CCDC134: variants seen among roughly 807,000 people sequenced by gnomAD.
CCDC134 encodes coiled-coil domain containing 134, also known as coiled-coil domain-containing protein 134.
Under a neutral mutation model 25.6 loss-of-function variants are expected in CCDC134, and 27 were observed. That is an observed-to-expected ratio of 1.05 (90% confidence interval 0.78 to 1.45). CCDC134 has a LOEUF of 1.45. Among genes scored for constraint, CCDC134 ranks in the 40% most tolerant of loss-of-function variants. The pLI is 0.00. For missense variants in CCDC134, 261 were observed against 286.7 expected, an observed-to-expected ratio of 0.91 and a Z score of 0.65; for synonymous variants, 110 against 115.0, an observed-to-expected ratio of 0.96 and a Z score of 0.28.
intron 6 of CCDC134, 146 bp downstream of exon 6, chr22:41,813,968 T>G: frequency 1.5e-6 from 1 of 661,018 alleles, no homozygotes; most frequent in Non-Finnish European, 2.6e-6. Flanking sequence ...CACTGACTCA[T>G]TGGAGCCTGT....
At chr22:41,820,914 G>C (rs2076648825) in intron 6 of CCDC134, among the ~76,000 whole-genome samples, 1 of 152,138 alleles carries the variant, frequency 6.6e-6, no homozygotes, top group South Asian at 2.1e-4. Flanking sequence ...CGTGAGACAG[G>C]ACACAGTCAT....
intron 6 of CCDC134, among the ~76,000 whole-genome samples, chr22:41,815,204 CT>C (rs869174312): frequency 1.1e-3 from 138 of 122,112 alleles, no homozygotes; most frequent in African/African-American, 1.3e-3. Flanking sequence ...CTTTTCTTTT[CT>C]TTTTTTTTTT....
At chr22:41,801,729 T>A (rs1602231352) in intron 1 of CCDC134, among the ~76,000 whole-genome samples, 2 of 152,312 alleles carry the variant, frequency 1.3e-5, no homozygotes, top group Admixed American at 1.3e-4. Context: ...TATTTATTGC[T>A]GTATTCCCGC....
chr22:41,821,297 T>A (rs1490810521), intron 6 of CCDC134, among the ~76,000 whole-genome samples: 1 of 152,002 alleles, frequency 6.6e-6, no homozygotes, highest in Admixed American at 6.6e-5. Flanking sequence ...AGACAGCCCT[T>A]TCGAAAAGTT....
chr22:41,804,865 T>C (rs1261622436), intron 1 of CCDC134, among the ~76,000 whole-genome samples: 1 of 151,744 alleles, frequency 6.6e-6, no homozygotes, highest in Non-Finnish European at 1.5e-5. Context: ...AGGCCAGGAG[T>C]TCGAGACCAG....
intron 1 of CCDC134, among the ~76,000 whole-genome samples, chr22:41,805,456 C>A (rs2076563573): frequency 6.6e-6 from 1 of 152,082 alleles, no homozygotes; most frequent in Non-Finnish European, 1.5e-5. Context: ...GAATACTTTT[C>A]TTGAATAGTT....
Position 41,803,275 on chromosome 22 carries a change from A to T in CCDC134, c.-17+2509A>T, listed in dbSNP as rs117340583. 7.6e-3 allele frequency among the ~76,000 whole-genome samples: 1,153 copies of T among 152,270 alleles called. 4 individuals are homozygous for T. The highest frequency in any genetic ancestry group is 0.013 in the Non-Finnish European group (876 of 68,012). ...GAGACCCTGCCTCAAAAAACCCCAA[A>T]TACCTTTTAGCCACATTTGAGCAGC... On this transcript the variant is annotated intron_variant, in intron 1 of 6. Transcript: ENST00000255784.
chr22:41,817,869 G>GTGATACCTTTT (rs2076630294), intron 6 of CCDC134, among the ~76,000 whole-genome samples: 2 of 152,174 alleles, frequency 1.3e-5, no homozygotes, highest in African/African-American at 4.8e-5. Flanking sequence ...TGGCTGTTAG[G>GTGATACCTTTT]AAGGAGTGTC....
chr22:41,807,134 A>G (rs1368587408), intron 1 of CCDC134, among the ~76,000 whole-genome samples: 2 of 152,240 alleles, frequency 1.3e-5, no homozygotes, highest in African/African-American at 2.4e-5. Flanking sequence ...TCCTGGTTAA[A>G]TGGAACAATT....
At chr22:41,801,172 GTAT>G (rs1395409736) in intron 1 of CCDC134, among the ~76,000 whole-genome samples, 1 of 152,206 alleles carries the variant, frequency 6.6e-6, no homozygotes, top group Non-Finnish European at 1.5e-5. Flanking sequence ...CAGCTGTCTG[GTAT>G]TCTCCTTGGC....
chr22:41,818,058 C>T (rs969441993), intron 6 of CCDC134, among the ~76,000 whole-genome samples: 13 of 152,138 alleles, frequency 8.5e-5, no homozygotes, highest in Non-Finnish European at 1.5e-4. Context: ...CAGGACTCAG[C>T]ATATGGTCAT....
intron 2 of CCDC134, among the ~76,000 whole-genome samples, chr22:41,809,292 A>T (rs191030012): frequency 6.6e-6 from 1 of 152,300 alleles, no homozygotes; most frequent in African/African-American, 2.4e-5. Flanking sequence ...TTACTGGCCC[A>T]TCTGGACCCT....
chr22:41,810,383 C>T lies in CCDC134; in HGVS notation c.310+92C>T. On this transcript the variant is annotated intron_variant, in intron 4 of 6. Transcript: ENST00000255784. Reference sequence around the variant, plus strand: ...CTGTTCTTGTCACTCTTTTTTTCTCCCCGGAAGTGCCCTCTTGTGGCACCT... The same window carrying T: ...CTGTTCTTGTCACTCTTTTTTTCTCTCCGGAAGTGCCCTCTTGTGGCACCT... The T allele has an allele frequency of 2.5e-6, 3 of 1,210,006 alleles. No homozygotes were observed. The South Asian group carries it at 4.1e-5, about 17-fold the overall frequency. The allele number at this position is 1,210,006 out of a possible 1,614,324, so 75.0% of individuals were successfully genotyped here.
intron 6 of CCDC134, among the ~76,000 whole-genome samples, chr22:41,822,930 G>C (rs2076659292): frequency 6.6e-6 from 1 of 152,194 alleles, no homozygotes; most frequent in African/African-American, 2.4e-5. Flanking sequence ...ATCTAACCTG[G>C]TAGGCAGATT....
At chr22:41,822,350 A>G (rs1037197430) in intron 6 of CCDC134, among the ~76,000 whole-genome samples, 10 of 152,222 alleles carry the variant, frequency 6.6e-5, no homozygotes, top group African/African-American at 2.4e-4. Context: ...AGGGAGGTAC[A>G]GTAATCAACC....
At chr22:41,804,142 G>A (rs1777138356) in intron 1 of CCDC134, among the ~76,000 whole-genome samples, 1 of 152,048 alleles carries the variant, frequency 6.6e-6, no homozygotes, top group African/African-American at 2.4e-5. Context: ...CAAAAAAAAA[G>A]AAACGAGTAA....
intron 1 of CCDC134, among the ~76,000 whole-genome samples, chr22:41,808,587 G>A (rs1602236079): frequency 1.3e-5 from 2 of 152,308 alleles, no homozygotes; most frequent in Non-Finnish European, 2.9e-5. Context: ...TCCCAGAGAC[G>A]GGCGGGGGCA....
chr22:41,804,727 T>G (rs1452371738), intron 1 of CCDC134, among the ~76,000 whole-genome samples: 1 of 152,186 alleles, frequency 6.6e-6, no homozygotes, highest in South Asian at 2.1e-4. Context: ...AAGTATGATA[T>G]TCTAGTTAAA....
At chr22:41,803,588 T>C (rs1335545437) in intron 1 of CCDC134, among the ~76,000 whole-genome samples, 1 of 151,968 alleles carries the variant, frequency 6.6e-6, no homozygotes, top group Non-Finnish European at 1.5e-5. Flanking sequence ...GCCAAGATCA[T>C]GAAACCTCGT....
Sources: gnomAD v4.1 joint callset for allele counts (sites outside exome capture counted in the v4.1 genomes callset) on GRCh38, gnomAD v4.1.1 for gene constraint, MANE v1.5 for transcripts, NCBI Gene and HGNC (gene_info 2026-07-23, HGNC 2026-07-21) for gene names.